Variants in SCFD2 observed in about 807,000 individuals in gnomAD.
The protein encoded by SCFD2 is sec1 family domain containing 2.
Under a neutral mutation model 58.9 loss-of-function variants are expected in SCFD2, and 54 were observed. The observed-to-expected ratio is 0.92, with a 90% CI of 0.74 to 1.15. SCFD2 has a LOEUF of 1.15. Ranked by LOEUF, SCFD2 falls within the 50% of genes most tolerant of loss-of-function variation. The probability of loss-of-function intolerance (pLI) is 0.00; values close to 1 mark genes in which losing one functional copy is unlikely to be tolerated. For missense variants in SCFD2, 805 were observed against 836.6 expected (o/e 0.96, Z 0.47); for synonymous variants, 321 against 335.9 (o/e 0.96, Z 0.49).
chr4:53,119,273 G>A (rs1338555040), intron 5 of SCFD2, among the ~76,000 whole-genome samples: 2 of 151,224 alleles, frequency 1.3e-5, no homozygotes, highest in African/African-American at 4.9e-5. Context: ...AGCGGAGATT[G>A]CACCATTGCA....
intron 3 of SCFD2, among the ~76,000 whole-genome samples, chr4:53,295,730 T>A (rs1007724064): frequency 6.6e-6 from 1 of 152,144 alleles, no homozygotes; most frequent in African/African-American, 2.4e-5. Context: ...TCAAAGGAAA[T>A]GCTTCCAGTT....
chr4:53,174,376 A>T (rs1445743095), intron 4 of SCFD2, among the ~76,000 whole-genome samples: 1 of 152,154 alleles, frequency 6.6e-6, no homozygotes, highest in African/African-American at 2.4e-5. Flanking sequence ...CCAGAATTAG[A>T]CATTATTAAC....
At chr4:52,961,995 A>G (rs1720862776) in intron 5 of SCFD2, among the ~76,000 whole-genome samples, 1 of 152,244 alleles carries the variant, frequency 6.6e-6, no homozygotes, top group African/African-American at 2.4e-5. Flanking sequence ...TGCTTGTGAC[A>G]GGCAAAGAGA....
chr4:53,238,741 G>A lies in SCFD2; in HGVS notation c.1311+35085C>T, dbSNP rs377591865. 3.3e-4 allele frequency among the ~76,000 whole-genome samples: 50 copies of A among 149,796 alleles called. No individual in the cohort carries two copies. In the East Asian group the frequency reaches 5.5e-3, roughly 17 times the overall value. ...CCAGACGGGGCGGCGGGGCAGAGGC[G>A]CTCCCCACATCTCAGACGATGGGCG... On this transcript the variant is annotated intron_variant, in intron 4 of 8. Transcript: ENST00000401642.
At chr4:53,299,204 T>G (rs1331469988) in intron 3 of SCFD2, among the ~76,000 whole-genome samples, 4 of 151,876 alleles carry the variant, frequency 2.6e-5, no homozygotes, top group Non-Finnish European at 4.4e-5. Context: ...TGAAAAAAAG[T>G]TAGATGAATG....
At chr4:53,273,673 T>C in intron 4 of SCFD2, 153 bp downstream of exon 4, 1 of 678,394 alleles carries the variant, frequency 1.5e-6, no homozygotes, top group Non-Finnish European at 2.2e-6. Flanking sequence ...AAGTTTCTAC[T>C]TGAATTTTAA....
chr4:53,222,558 T>C (rs999325167), intron 4 of SCFD2, among the ~76,000 whole-genome samples: 2 of 152,230 alleles, frequency 1.3e-5, no homozygotes, highest in Non-Finnish European at 2.9e-5. Flanking sequence ...ATGACAGTTC[T>C]AGGGAAAACA....
chr4:53,217,673 G>C (rs1728895577), intron 4 of SCFD2, among the ~76,000 whole-genome samples: 1 of 152,202 alleles, frequency 6.6e-6, no homozygotes, highest in Non-Finnish European at 1.5e-5. Context: ...GTGTGAATTT[G>C]ATCCTGTCAG....
chr4:53,308,165 A>C (rs567737268), intron 3 of SCFD2, among the ~76,000 whole-genome samples: 1 of 152,320 alleles, frequency 6.6e-6, no homozygotes, highest in South Asian at 2.1e-4. Flanking sequence ...AAAATTACCA[A>C]ATTTATACTA....
At position 53,365,895 on chromosome 4, in the gene SCFD2, T is replaced by A; in HGVS notation, c.47A>T (p.Gln16Leu). Residue 16 changes from glutamine to leucine, a missense_variant, in exon 1 of 9, where the codon CAG (glutamine) becomes CTG (leucine). Physicochemically the swap from Gln to Leu is moderately radical, Grantham distance 113 (BLOSUM62 -2). This residue lies in a region of SCFD2 where 155 missense variants were observed against 149.7 expected (regional missense o/e 1.04). Coordinates refer to ENST00000401642, the MANE Select transcript of SCFD2 (RefSeq NM_152540.4). The surrounding 1 kb of genome is among the most constrained non-coding windows in gnomAD (Gnocchi z 4.3). ...AGCCCGTTTCACTTTGGCCAGCACC[T>A]GCTCCCATCCTTGCTGGGTAAAGGA... ...VLSFTQQGWE[Q>L]VLAKVKRAVV... is the part of the protein sequence containing the mutation. 1 of 1,598,054 alleles carries A rather than the reference T, an allele frequency of 6.3e-7. No homozygotes were observed. Among genetic ancestry groups the A allele is most frequent in the South Asian group, 1.1e-5 (1 of 89,606 alleles).
intron 4 of SCFD2, among the ~76,000 whole-genome samples, chr4:53,184,867 T>C (rs751435542): frequency 6.6e-6 from 1 of 152,140 alleles, no homozygotes; most frequent in Non-Finnish European, 1.5e-5. Context: ...ACAATCTTTC[T>C]ACCAGCTACA....
chr4:53,200,820 T>C (rs1266434426), intron 4 of SCFD2, among the ~76,000 whole-genome samples: 1 of 152,120 alleles, frequency 6.6e-6, no homozygotes, highest in East Asian at 1.9e-4. Flanking sequence ...ATGACACATA[T>C]ACACATGCAT....
intron 5 of SCFD2, among the ~76,000 whole-genome samples, chr4:53,133,665 G>C (rs1289198508): frequency 1.3e-5 from 2 of 152,138 alleles, no homozygotes; most frequent in African/African-American, 4.8e-5. Flanking sequence ...TTTTACTATG[G>C]ATAAGAATAC....
intron 3 of SCFD2, among the ~76,000 whole-genome samples, chr4:53,299,275 G>A (rs956640462): frequency 4.6e-5 from 7 of 152,150 alleles, no homozygotes; most frequent in African/African-American, 1.4e-4. Flanking sequence ...TGAAAACCAC[G>A]GCACGAGAAC....
rs77294024 is a variant in SCFD2 at position 53,242,880 on chromosome 4, T to C, written c.1311+30946A>G. Among the ~76,000 whole-genome samples, 590 of 152,222 alleles carry C rather than the reference T, an allele frequency of 3.9e-3. 3 individuals are homozygous for C. Among genetic ancestry groups the C allele is most frequent in the Non-Finnish European group, 5.5e-3 (374 of 68,018 alleles). ...AGACTATAACAAGTTGAGGAAAGAA[T>C]CTCAAAGCTTGAAGACAGGCTTTCT... On this transcript the variant is annotated intron_variant, in intron 4 of 8. Coordinates refer to ENST00000401642, the MANE Select transcript of SCFD2 (RefSeq NM_152540.4).
intron 3 of SCFD2, among the ~76,000 whole-genome samples, chr4:53,291,810 C>T (rs1238474285): frequency 2.0e-5 from 3 of 151,938 alleles, no homozygotes; most frequent in Non-Finnish European, 2.9e-5. Context: ...GAATAGAGAA[C>T]TCAGAAATAA....
chr4:53,251,044 T>A (rs546086702), intron 4 of SCFD2, among the ~76,000 whole-genome samples: 1 of 152,072 alleles, frequency 6.6e-6, no homozygotes, highest in African/African-American at 2.4e-5. Context: ...AAAATGACAA[T>A]GGGGATATCA....
At position 53,365,789 on chromosome 4, in the gene SCFD2, AC is replaced by A. The variant is rs753794117; in HGVS notation, c.152del (p.Gly51ValfsTer27). On this transcript the variant is annotated frameshift_variant, in exon 1 of 9. Coordinates refer to ENST00000401642, the MANE Select transcript of SCFD2 (RefSeq NM_152540.4). LOFTEE classifies it high-confidence loss of function. This position sits in a 1 kb window ranked among gnomAD's most constrained non-coding sequence, Gnocchi z 4.3. Reference sequence around the variant, plus strand: ...CGAACTCTCGCAGGTGACAGTCAGGACCCCCCACCGCCTCCAGGAGACGGGT... The same window carrying A: ...CGAACTCTCGCAGGTGACAGTCAGGACCCCCACCGCCTCCAGGAGACGGGT... Reference protein sequence around the residue: ...GSTRLLEAVGGPDCHLREFEP... With the variant: ...GSTRLLEAVGXPDCHLREFEP... 14 of 1,611,790 alleles carry A rather than the reference AC, an allele frequency of 8.7e-6. No individual in the cohort carries two copies. The highest frequency in any genetic ancestry group is 1.2e-5 in the Non-Finnish European group (14 of 1,179,330).
At chr4:53,126,090 G>A (rs1335407812) in intron 5 of SCFD2, among the ~76,000 whole-genome samples, 1 of 152,132 alleles carries the variant, frequency 6.6e-6, no homozygotes, top group Non-Finnish European at 1.5e-5. Context: ...CTAATATGAA[G>A]TTTCGCTAAA....
Sources: gnomAD v4.1 joint callset for allele counts (sites outside exome capture counted in the v4.1 genomes callset) on GRCh38, gnomAD v4.1.1 for gene constraint, gnomAD v4.1.1 regional missense constraint, Gnocchi (gnomAD v3.1) non-coding constraint, MANE v1.5 for transcripts, NCBI Gene and HGNC (gene_info 2026-07-23, HGNC 2026-07-21) for gene names.